MIDEAS: variants seen among roughly 807,000 people sequenced by gnomAD.
MIDEAS encodes mitotic deacetylase associated SANT domain protein.
MIDEAS carries 26 observed loss-of-function variants against 102.7 expected under a neutral mutation model. The observed-to-expected ratio is 0.25, with a 90% CI of 0.19 to 0.35. The LOEUF (loss-of-function observed/expected upper bound fraction) is 0.35, where lower values mean the gene tolerates loss of function less well. MIDEAS is among the 10% of genes least tolerant of loss of function. The pLI is 1.00. For missense variants in MIDEAS, 1,231 were observed against 1,435.6 expected (o/e 0.86, Z 2.30); for synonymous variants, 585 against 591.0 (o/e 0.99, Z 0.15).
chr14:73,728,428 C>T (rs1236544613), intron 4 of MIDEAS: 1 of 152,508 alleles, frequency 6.6e-6, no homozygotes, highest in Non-Finnish European at 1.5e-5. Context: ...CAACCCCTCA[C>T]TCTCCCTGCA....
At chr14:73,774,503 G>GA (rs561433462) in intron 1 of MIDEAS, among the ~76,000 whole-genome samples, 8 of 151,894 alleles carry the variant, frequency 5.3e-5, no homozygotes, top group Non-Finnish European at 1.2e-4. Context: ...CATGAGAAAC[G>GA]AAAGGATCCT....
chr14:73,758,240 G>A (rs1273502461), intron 1 of MIDEAS, among the ~76,000 whole-genome samples: 1 of 152,188 alleles, frequency 6.6e-6, no homozygotes, highest in African/African-American at 2.4e-5. Flanking sequence ...TTCTCAACCC[G>A]GGAAGGCTTC....
At chr14:73,771,065 C>T (rs183750530) in intron 1 of MIDEAS, among the ~76,000 whole-genome samples, 72 of 152,286 alleles carry the variant, frequency 4.7e-4, no homozygotes, top group African/African-American at 1.7e-3. Flanking sequence ...TCCAAACACA[C>T]ACACACACAG....
upstream of MIDEAS, among the ~76,000 whole-genome samples, chr14:73,761,466 G>T (rs1238343552): frequency 6.6e-6 from 1 of 152,196 alleles, no homozygotes; most frequent in Non-Finnish European, 1.5e-5. Flanking sequence ...ACACCTGGAA[G>T]TCACACCTCC....
rs1555345952 is a variant in MIDEAS, at chr14:73,772,821, G to GTGTGTGTA, written c.-248+14280_-248+14281insTACACACA. On this transcript the variant is annotated intron_variant, in intron 1 of 11. Coordinates refer to the MIDEAS transcript ENST00000394071. ...TGTGTGTGTGTGTGTGTGTGTGTGT[G>GTGTGTGTA]TGTGTGTGTGTGTATTTTGTTGTTG... Among the ~76,000 whole-genome samples the GTGTGTGTA allele has an allele frequency of 2.6e-3, 375 of 144,016 alleles. 2 individuals carry two copies. Among genetic ancestry groups the GTGTGTGTA allele is most frequent in the South Asian group, 5.6e-3 (26 of 4,662 alleles). The allele number at this position is 144,016 out of a possible 152,430, so 94.5% of individuals were successfully genotyped here.
rs1213785826 is a variant in MIDEAS at position 73,759,167 on chromosome 14, TC to T, written c.-248+595del. Among the ~76,000 whole-genome samples, 1 of 152,038 alleles carries T rather than the reference TC, an allele frequency of 6.6e-6. No homozygotes were observed. Among genetic ancestry groups the T allele is most frequent in the Non-Finnish European group, 1.5e-5 (1 of 67,970 alleles). Reference sequence around the variant, plus strand: ...CTCTGCTGACTGCATTTGCCCCAGTTCCCCAACGCCCCTGCACCTCTGTCCC... The same window carrying T: ...CTCTGCTGACTGCATTTGCCCCAGTTCCCAACGCCCCTGCACCTCTGTCCC... On this transcript the variant is annotated intron_variant, in intron 1 of 12. Coordinates refer to ENST00000423556, the MANE Select transcript of MIDEAS (RefSeq NM_001367710.1). The surrounding 1 kb of genome is among the most constrained non-coding windows in gnomAD (Gnocchi z 6.7).
intron 3 of MIDEAS, among the ~76,000 whole-genome samples, chr14:73,735,211 CAG>C (rs745514391): frequency 9.9e-5 from 15 of 152,110 alleles, no homozygotes; most frequent in Non-Finnish European, 1.8e-4. Context: ...TCATTAGTAA[CAG>C]TGTATTATAC....
chr14:73,786,928 G>A (rs939948204), intron 1 of MIDEAS, among the ~76,000 whole-genome samples: 5 of 151,564 alleles, frequency 3.3e-5, no homozygotes, highest in Non-Finnish European at 7.4e-5. Flanking sequence ...GGCGCAGCCC[G>A]GCGCCCCGAC....
intron 1 of MIDEAS, among the ~76,000 whole-genome samples, chr14:73,772,536 A>G (rs1330388893): frequency 6.6e-6 from 1 of 152,180 alleles, no homozygotes; most frequent in African/African-American, 2.4e-5. Flanking sequence ...TCTAGGTATC[A>G]TGAATTATAC....
At chr14:73,779,573 A>ATTTT (rs1322412292) in intron 1 of MIDEAS, among the ~76,000 whole-genome samples, 34 of 119,954 alleles carry the variant, frequency 2.8e-4, no homozygotes, top group African/African-American at 9.7e-4. Context: ...TATTATTATT[A>ATTTT]TTTTTTTTTT....
intron 1 of MIDEAS, among the ~76,000 whole-genome samples, chr14:73,780,318 G>C (rs1422820420): frequency 6.6e-6 from 1 of 152,198 alleles, no homozygotes; most frequent in Non-Finnish European, 1.5e-5. Flanking sequence ...CTCTAGAGGT[G>C]ATGGAAAGGG....
chr14:73,756,551 C>T (rs999820138), intron 1 of MIDEAS, among the ~76,000 whole-genome samples: 4 of 152,198 alleles, frequency 2.6e-5, no homozygotes, highest in African/African-American at 9.7e-5. Context: ...CAGAAAGAAG[C>T]AATTCCTCCA....
chr14:73,721,484 G>A lies in MIDEAS; in HGVS notation c.2750C>T (p.Pro917Leu). 6.2e-7 allele frequency: 1 copy of A among 1,614,104 alleles called. No individual in the cohort carries two copies. Among genetic ancestry groups the A allele is most frequent in the Non-Finnish European group, 8.5e-7 (1 of 1,180,012 alleles). The change falls in exon 11 of 13, where the codon CCT becomes CTT. Residue 917 changes from proline (P) to leucine (L), a missense_variant. This residue lies in a region of MIDEAS where 391 missense variants were observed against 483.0 expected (regional missense o/e 0.81). Coordinates refer to ENST00000423556, the MANE Select transcript of MIDEAS (RefSeq NM_001367710.1). ...ACTTGGGGACTCTCTTCTGGGAAGAGGCACCCTTGGGAACTTTTGGGAAGT... is the reference window on the plus strand; with the variant it reads ...ACTTGGGGACTCTCTTCTGGGAAGAAGCACCCTTGGGAACTTTTGGGAAGT... ...IKTSQKFPRVPLPRRESPSEE... is the reference protein window; with the variant it reads ...IKTSQKFPRVLLPRRESPSEE...
Position 73,719,371 on chromosome 14 carries a change from T to C in MIDEAS, c.3068A>G (p.Lys1023Arg). The change falls in exon 12 of 13, where the codon AAA becomes AGA. Residue 1023 changes from lysine (K) to arginine (R), a missense_variant. Coordinates refer to ENST00000423556, the MANE Select transcript of MIDEAS (RefSeq NM_001367710.1). ...GGTCTTACTGAATGTCTCTGTTTTT[T>C]TCTTCTTCTCTGAAAAAGGTAGTGC... ...RRALPFSEKK[K>R]KTETFSKTQN... 6.2e-7 allele frequency: 1 copy of C among 1,614,022 alleles called. No individual in the cohort carries two copies. The highest frequency in any genetic ancestry group is 8.5e-7 in the Non-Finnish European group (1 of 1,179,952).
At position 73,782,537 on chromosome 14, in the gene MIDEAS, C is replaced by T. The variant is rs940418033; in HGVS notation, c.-248+4565G>A. 4.6e-5 allele frequency among the ~76,000 whole-genome samples: 7 copies of T among 152,170 alleles called. No homozygotes were observed. In the East Asian group the frequency reaches 1.3e-3, roughly 29 times the overall value. On this transcript the variant is annotated intron_variant, in intron 1 of 11. Transcript: ENST00000394071. ...CAGAGAAGGGGTCTTGCCACATTGC[C>T]TAGGCTGGTCTTGAACTTCTAGGCT... is the stretch of plus-strand genomic sequence containing the variant.
rs142943373 is a variant in MIDEAS, at chr14:73,753,658, C to G, written c.-248+6105G>C. On this transcript the variant is annotated intron_variant, in intron 1 of 12. Transcript: ENST00000423556. Reference sequence around the variant, plus strand: ...GAGGAAATGAATAGTCCAACTCTTCCAGTTCCACAGCTGGCTGAGAGCAAG... The same window carrying G: ...GAGGAAATGAATAGTCCAACTCTTCGAGTTCCACAGCTGGCTGAGAGCAAG... Among the ~76,000 whole-genome samples the G allele has an allele frequency of 6.8e-4, 104 of 152,336 alleles. 1 individual carries two copies. Among genetic ancestry groups the G allele is most frequent in the African/African-American group, 2.3e-3 (96 of 41,574 alleles).
chr14:73,771,696 G>C (rs578041413), intron 1 of MIDEAS, among the ~76,000 whole-genome samples: 2 of 152,230 alleles, frequency 1.3e-5, no homozygotes, highest in African/African-American at 2.4e-5. Context: ...CAGATCTCAC[G>C]GCAAGACGTG....
rs570493993 is a variant in MIDEAS at position 73,721,643 on chromosome 14, T to G, written c.2725-134A>C. 162 of 726,560 alleles carry G rather than the reference T, an allele frequency of 2.2e-4. No individual in the cohort carries two copies. In the African/African-American group the frequency reaches 2.6e-3, roughly 12 times the overall value. 45.0% of individuals were successfully genotyped at this position (726,560 alleles called of 1,614,324 possible). On this transcript the variant is annotated intron_variant, in intron 10 of 12. Transcript: ENST00000423556. ...CTGGCTGGCCCAGCATAGTCTTCTGTACTAGGACTCTGGACTCTGTCCCCA... is the reference window on the plus strand; with the variant it reads ...CTGGCTGGCCCAGCATAGTCTTCTGGACTAGGACTCTGGACTCTGTCCCCA...
At chr14:73,727,264 G>T in intron 5 of MIDEAS, 194 bp downstream of exon 5, 1 of 662,046 alleles carries the variant, frequency 1.5e-6, no homozygotes. Flanking sequence ...GCCGGTCCTT[G>T]CCCTTCCCTG....
Sources: gnomAD v4.1 joint callset for allele counts (sites outside exome capture counted in the v4.1 genomes callset) on GRCh38, gnomAD v4.1.1 for gene constraint, gnomAD v4.1.1 regional missense constraint, Gnocchi (gnomAD v3.1) non-coding constraint, MANE v1.5 for transcripts, NCBI Gene and HGNC (gene_info 2026-07-23, HGNC 2026-07-21) for gene names.